Variants in PDHA1 observed in about 807,000 individuals in gnomAD.
PDHA1 encodes the protein pyruvate dehydrogenase E1 subunit alpha 1.
Under a neutral mutation model 33.0 loss-of-function variants are expected in PDHA1, and 1 was observed. The ratio of observed to expected loss-of-function variants is 0.03; its 90% confidence interval spans 0.01 to 0.14. The LOEUF is 0.14. Ranked by LOEUF, PDHA1 falls within the 10% of genes least tolerant of loss-of-function variation. PDHA1 has a pLI of 1.00. For missense variants in PDHA1, 168 were observed against 325.1 expected (o/e 0.52, Z 3.72); for synonymous variants, 123 against 119.2 (o/e 1.03, Z -0.21).
At position 19,361,350 on chromosome X, in the gene PDHA1, G is replaced by T. The variant is rs763409232; in HGVS notation, c.*1697G>T. 2.5e-6 allele frequency: 3 copies of T among 1,203,761 alleles called. No homozygotes were observed. Among genetic ancestry groups the T allele is most frequent in the East Asian group, 5.9e-5 (2 of 33,842 alleles). On this transcript the variant is annotated 3_prime_UTR_variant, in exon 11 of 11. Transcript: ENST00000422285. Reference sequence around the variant, plus strand: ...TTTGAGGCTCTTACCGTAGTCGAAGGTATCTTAGATCTTCCTTAGTGATCT... The same window carrying T: ...TTTGAGGCTCTTACCGTAGTCGAAGTTATCTTAGATCTTCCTTAGTGATCT...
rs763789986 is a variant in PDHA1 at position 19,359,985 on chromosome X, A to G, written c.*332A>G. On this transcript the variant is annotated 3_prime_UTR_variant, in exon 11 of 11. Coordinates refer to ENST00000422285, the MANE Select transcript of PDHA1 (RefSeq NM_000284.4). ...GGAGACCATTATGGCGGGGCCCCTC[A>G]CAGCATTCTACCAACCATAGCACCC... 3.4e-6 allele frequency: 1 copy of G among 290,355 alleles called. No homozygotes were observed. Among genetic ancestry groups the G allele is most frequent in the African/African-American group, 2.8e-5 (1 of 35,804 alleles). The allele number at this position is 290,355 out of a possible 1,213,427, so 23.9% of individuals were successfully genotyped here.
At chrX:19,344,206 G>A in intron 1 of PDHA1, 112 bp downstream of exon 1, 2 of 632,588 alleles carry the variant, frequency 3.2e-6, no homozygotes, top group Admixed American at 3.2e-5. Flanking sequence ...CGCCAGGGGA[G>A]CCGGGGAGCC....
chrX:19,353,038 A>G, intron 4 of PDHA1, 44 bp from the exon 5 acceptor site: 1 of 1,064,092 alleles, frequency 9.4e-7, no homozygotes, highest in Non-Finnish European at 1.3e-6. Context: ...TTTGCTTTGT[A>G]GAGTTGGTTT....
chrX:19,350,999 T>C (rs1413851315), intron 3 of PDHA1, among the ~76,000 whole-genome samples: 1 of 111,724 alleles, frequency 9.0e-6, no homozygotes, highest in African/African-American at 3.3e-5. Context: ...GAAGTCTGGA[T>C]TTTCATGTGA....
chrX:19,360,516 C>A lies in PDHA1; in HGVS notation c.*863C>A. On this transcript the variant is annotated 3_prime_UTR_variant, in exon 11 of 11. Transcript: ENST00000422285. ...ACTACAAGTGAATTTCCTAATATTC[C>A]GGGAGGTCAAAACCAAGGCTCACTG... The A allele has an allele frequency of 3.2e-6, 1 of 308,359 alleles. No individual in the cohort carries two copies. Among genetic ancestry groups the A allele is most frequent in the South Asian group, 4.5e-5 (1 of 22,134 alleles). 25.4% of individuals were successfully genotyped at this position (308,359 alleles called of 1,213,427 possible). A position where few individuals can be genotyped will look rare whatever the true frequency, so the allele number is the denominator to read the frequency against.
chrX:19,346,607 C>T (rs751469147), intron 1 of PDHA1: 1 of 954,651 alleles, frequency 1.0e-6, no homozygotes, highest in African/African-American at 2.0e-5. Context: ...TACTCTCACT[C>T]TCTTAAAACC....
intron 1 of PDHA1, among the ~76,000 whole-genome samples, chrX:19,346,088 A>C (rs1366265619): frequency 8.9e-6 from 1 of 112,186 alleles, no homozygotes; most frequent in Non-Finnish European, 1.9e-5. Context: ...ACATGTAAAA[A>C]GACATTTTGC....
chrX:19,357,589 TTGCCGGCC>T (rs2063212203), intron 8 of PDHA1, 55 bp from the exon 9 acceptor site: 1 of 943,532 alleles, frequency 1.1e-6, no homozygotes, highest in South Asian at 1.9e-5. Context: ...AGGCCGTGGA[TTGCCGGCC>T]TGTTCTTCCA....
intron 8 of PDHA1, chrX:19,357,271 T>TTTTTGATAGAGATGGG: frequency 4.5e-6 from 1 of 223,925 alleles, no homozygotes; most frequent in Non-Finnish European, 8.3e-6. Flanking sequence ...ATTTTTGTAT[T>TTTTTGATAGAGATGGG]TTTTGATAGA....
intron 1 of PDHA1, among the ~76,000 whole-genome samples, chrX:19,346,129 A>G (rs949940233): frequency 1.8e-5 from 2 of 111,839 alleles, no homozygotes; most frequent in African/African-American, 6.5e-5. Flanking sequence ...TCTTGACAGT[A>G]AACAATAAGC....
Position 19,359,278 on chromosome X carries a change from T to C in PDHA1, c.1009-211T>C, listed in dbSNP as rs5955549. Among the ~76,000 whole-genome samples the C allele has an allele frequency of 0.22, 24,121 of 111,164 alleles. 5,035 individuals are homozygous for C. The highest frequency in any genetic ancestry group is 0.66 in the African/African-American group (19,989 of 30,347). On this transcript the variant is annotated intron_variant, in intron 10 of 10. Coordinates refer to ENST00000422285, the MANE Select transcript of PDHA1 (RefSeq NM_000284.4). The stretch of plus-strand genomic sequence containing the variant: ...CACAGTGGCAAAGCCCCCACAGTAG[T>C]ATGGTTCTTTTTTCCTAAAAGTATA...
At chrX:19,345,476 G>T (rs1385529323) in intron 1 of PDHA1, among the ~76,000 whole-genome samples, 1 of 107,015 alleles carries the variant, frequency 9.3e-6, no homozygotes, top group Non-Finnish European at 1.9e-5. Flanking sequence ...AGGCTGAGGC[G>T]GGAGAATAGC....
intron 1 of PDHA1, among the ~76,000 whole-genome samples, chrX:19,348,899 C>G (rs760501558): frequency 8.0e-5 from 9 of 112,196 alleles, no homozygotes; most frequent in Non-Finnish European, 1.5e-4. Flanking sequence ...GAGCCGAGAT[C>G]GCACCACTGC....
At chrX:19,356,246 T>C (rs1022806049) in intron 8 of PDHA1, among the ~76,000 whole-genome samples, 2 of 111,414 alleles carry the variant, frequency 1.8e-5, no homozygotes, top group African/African-American at 6.5e-5. Flanking sequence ...GTGAGGGAGA[T>C]GGTAAGAGGG....
rs781582453 is a variant in PDHA1, at chrX:19,360,681, C to T, written c.*1028C>T. 1.3e-5 allele frequency: 11 copies of T among 838,727 alleles called. No individual in the cohort carries two copies. Among genetic ancestry groups the T allele is most frequent in the Non-Finnish European group, 1.8e-5 (10 of 565,806 alleles). The allele number at this position is 838,727 out of a possible 1,213,427, so 69.1% of individuals were successfully genotyped here. A position where few individuals can be genotyped will look rare whatever the true frequency, so the allele number is the denominator to read the frequency against. On this transcript the variant is annotated 3_prime_UTR_variant, in exon 11 of 11. Transcript: ENST00000422285. ...GTAAACACAGCGGAATTCGTGTATA[C>T]ACTAACAGAAGCTTTAACAAAACAT...
rs780086565 is a variant in PDHA1, at chrX:19,345,692, TTTC to T, written c.57+1609_57+1611del. 1.7e-3 allele frequency: 388 copies of T among 232,899 alleles called. 2 individuals are homozygous for T. The highest frequency in any genetic ancestry group is 1.6e-3 in the Non-Finnish European group (197 of 120,019). 19.2% of individuals were successfully genotyped at this position (232,899 alleles called of 1,213,427 possible). A position where few individuals can be genotyped will look rare whatever the true frequency, so the allele number is the denominator to read the frequency against. ...CTTCCTTTAGGCACCTGATGTAGGT[TTTC>T]TTCTTCTTCTGCAAGTCAGGTTCAT... On this transcript the variant is annotated intron_variant, in intron 1 of 10. Transcript: ENST00000422285.
chrX:19,359,192 C>T (rs1398713078), intron 10 of PDHA1, among the ~76,000 whole-genome samples, 168 bp downstream of exon 10: 2 of 111,384 alleles, frequency 1.8e-5, no homozygotes, highest in East Asian at 2.8e-4. Flanking sequence ...CCTTTAGTTT[C>T]CTCTATTCAA....
At chrX:19,350,454 C>T (rs1441618788) in intron 3 of PDHA1, among the ~76,000 whole-genome samples, 9 of 111,528 alleles carry the variant, frequency 8.1e-5, no homozygotes, top group African/African-American at 2.6e-4. Context: ...TTTGGAGATA[C>T]GGGGTTTCAC....
Position 19,360,493 on chromosome X carries a change from TACAAGTG to T in PDHA1, c.*842_*848del. 1 of 281,409 alleles carries T rather than the reference TACAAGTG, an allele frequency of 3.6e-6. No individual in the cohort carries two copies. Among genetic ancestry groups the T allele is most frequent in the Non-Finnish European group, 6.3e-6 (1 of 158,624 alleles). The allele number at this position is 281,409 out of a possible 1,213,427, so 23.2% of individuals were successfully genotyped here. On this transcript the variant is annotated 3_prime_UTR_variant, in exon 11 of 11. Coordinates refer to ENST00000422285, the MANE Select transcript of PDHA1 (RefSeq NM_000284.4). ...CCTCAGCCTCCTGCATAGCTGGGAC[TACAAGTG>T]AATTTCCTAATATTCCGGGAGGTCA...
Sources: gnomAD v4.1 joint callset for allele counts (sites outside exome capture counted in the v4.1 genomes callset) on GRCh38, gnomAD v4.1.1 for gene constraint, MANE v1.5 for transcripts, NCBI Gene and HGNC (gene_info 2026-07-23, HGNC 2026-07-21) for gene names.